Variants in MROH7 observed in about 807,000 individuals in gnomAD.
MROH7 encodes the protein maestro heat like repeat family member 7, also known as maestro heat-like repeat-containing protein family member 7.
In MROH7, 113 loss-of-function variants were observed where a neutral mutation model predicts 129.2. That is an observed-to-expected ratio of 0.87 (90% CI 0.75 to 1.02). The LOEUF is 1.02. MROH7 is among the 50% of genes least tolerant of loss of function. The probability of loss-of-function intolerance (pLI) is 0.00; values close to 1 mark genes in which losing one functional copy is unlikely to be tolerated. For missense variants in MROH7, 1,601 were observed against 1,671.3 expected, an observed-to-expected ratio of 0.96 and a Z score of 0.73; for synonymous variants, 655 against 667.9, an observed-to-expected ratio of 0.98 and a Z score of 0.30.
intron 1 of MROH7, chr1:54,651,296 G>T (rs1644550607): frequency 6.6e-6 from 1 of 152,340 alleles, no homozygotes; most frequent in Admixed American, 6.5e-5. Context: ...TCATTGGCTA[G>T]TGGGGAAGCC....
chr1:54,691,259 C>G (rs17110952), intron 15 of MROH7, among the ~76,000 whole-genome samples: 26,800 of 152,128 alleles, frequency 0.18, 2,535 homozygotes, highest in East Asian at 0.28. Flanking sequence ...CAAAATTCTG[C>G]CCTCAGGAGA....
chr1:54,656,541 G>A (rs1473743052), intron 3 of MROH7, among the ~76,000 whole-genome samples: 2 of 146,376 alleles, frequency 1.4e-5, no homozygotes, highest in African/African-American at 5.1e-5. Flanking sequence ...TTTTTTTTCA[G>A]GCTGGGCGCG....
At chr1:54,681,891 G>C (rs932282802) in intron 13 of MROH7, among the ~76,000 whole-genome samples, 3 of 152,184 alleles carry the variant, frequency 2.0e-5, no homozygotes, top group African/African-American at 7.2e-5. Context: ...CAGCTCATTA[G>C]CTGTGTAATC....
chr1:54,692,582 G>A (rs754413936), intron 16 of MROH7, 21 bp downstream of exon 16: 2 of 1,608,724 alleles, frequency 1.2e-6, no homozygotes, highest in East Asian at 2.2e-5. Flanking sequence ...GGACCACCTT[G>A]GGGTTGGGGT....
intron 21 of MROH7, among the ~76,000 whole-genome samples, chr1:54,705,140 A>G (rs1253021603): frequency 1.3e-5 from 2 of 152,168 alleles, no homozygotes; most frequent in Non-Finnish European, 2.9e-5. Context: ...ATTGCTCTGC[A>G]GGCTACTGAG....
At position 54,653,062 on chromosome 1, in the gene MROH7, A is replaced by G. The variant is rs1038809482; in HGVS notation, c.136A>G (p.Met46Val). Reference sequence around the variant, plus strand: ...CCACCCAGACATGGCTCAGGTGCCTATGTTGAATCTGCTCCCAAGTCCTGG... The same window carrying G: ...CCACCCAGACATGGCTCAGGTGCCTGTGTTGAATCTGCTCCCAAGTCCTGG... The part of the protein sequence containing the change: ...QPHPDMAQVP[M>V]LNLLPSPGLA... The change falls in exon 3 of 24, where the codon ATG (methionine) becomes GTG (valine). Residue 46 changes from methionine (M) to valine (V), a missense_variant. Transcript: ENST00000421030. 13 of 1,613,936 alleles carry G rather than the reference A, an allele frequency of 8.1e-6. No individual in the cohort carries two copies. The highest frequency in any genetic ancestry group is 1.1e-5 in the South Asian group (1 of 91,050).
intron 8 of MROH7, 104 bp downstream of exon 8, chr1:54,673,290 C>T (rs1357454154): frequency 2.4e-6 from 2 of 828,230 alleles, no homozygotes; most frequent in South Asian, 3.3e-5. Flanking sequence ...GATTTGGCTT[C>T]AGGATGTCAT....
At chr1:54,645,234 A>G (rs1644445943) in intron 1 of MROH7, among the ~76,000 whole-genome samples, 1 of 151,866 alleles carries the variant, frequency 6.6e-6, no homozygotes, top group Non-Finnish European at 1.5e-5. Context: ...ATGATGAGTG[A>G]TTTTTACTGC....
In MROH7 at chr1:54,682,728, G is replaced by T; in HGVS notation, c.2454G>T (p.Leu818=). The change falls in exon 14 of 24, where the codon CTG becomes CTT. Residue 818 remains leucine, a synonymous_variant. Coordinates refer to ENST00000421030, the MANE Select transcript of MROH7 (RefSeq NM_001039464.4). ...PSCDVRDLLD[L]LLGSLKEKPV... Reference sequence around the variant, plus strand: ...GTGATGTCCGAGACCTCCTGGATCTGCTCCTGGGCAGCCTGAAGGAGAAGC... The same window carrying T: ...GTGATGTCCGAGACCTCCTGGATCTTCTCCTGGGCAGCCTGAAGGAGAAGC... 6.2e-7 allele frequency: 1 copy of T among 1,614,092 alleles called. No homozygotes were observed. Among genetic ancestry groups the T allele is most frequent in the Non-Finnish European group, 8.5e-7 (1 of 1,180,000 alleles).
chr1:54,668,576 C>T (rs1644847883), intron 4 of MROH7, among the ~76,000 whole-genome samples: 1 of 152,088 alleles, frequency 6.6e-6, no homozygotes, highest in Non-Finnish European at 1.5e-5. Flanking sequence ...CCTTTCTGTC[C>T]CCTCCTTAGC....
intron 16 of MROH7, among the ~76,000 whole-genome samples, chr1:54,693,304 G>C (rs1645268462): frequency 6.6e-6 from 1 of 152,172 alleles, no homozygotes. Flanking sequence ...ACAAAAATTA[G>C]CTGGGTGTGG....
intron 1 of MROH7, among the ~76,000 whole-genome samples, chr1:54,643,222 G>A (rs1264008114): frequency 2.0e-5 from 3 of 152,200 alleles, no homozygotes; most frequent in Non-Finnish European, 2.9e-5. Context: ...ACTTCCTGGG[G>A]GAAGGGACAT....
At chr1:54,647,630 C>T (rs569398378) in intron 1 of MROH7, among the ~76,000 whole-genome samples, 4 of 152,050 alleles carry the variant, frequency 2.6e-5, no homozygotes, top group Admixed American at 6.5e-5. Flanking sequence ...ATCCCAGCTA[C>T]TGGGGAGGCT....
intron 21 of MROH7, 90 bp downstream of exon 21, chr1:54,702,835 C>G: frequency 2.8e-6 from 4 of 1,452,972 alleles, no homozygotes; most frequent in Non-Finnish European, 3.7e-6. Flanking sequence ...TTCCCACCAG[C>G]ATCCTATTTC....
intron 1 of MROH7, among the ~76,000 whole-genome samples, chr1:54,644,746 C>T (rs115110815): frequency 0.076 from 11,485 of 150,668 alleles, 471 homozygotes; most frequent in Middle Eastern, 0.11. Context: ...AAGTGATCCT[C>T]GGCCTCCCAA....
intron 7 of MROH7, among the ~76,000 whole-genome samples, chr1:54,672,143 G>C (rs1186239693): frequency 6.6e-6 from 1 of 152,086 alleles, no homozygotes; most frequent in Non-Finnish European, 1.5e-5. Flanking sequence ...CCTTGGAGAA[G>C]ACTGGGGTTG....
rs182084557 is a variant in MROH7, at chr1:54,678,764, C to T, written c.1959C>T (p.Thr653=). ...LQKRARDKEE[T]NKKELYESNK... ...CAGGAGCCAGAGATAAGGAAGAGAC[C>T]AACAAAAAGGAGCTATATGAGAGCA... is the stretch of plus-strand genomic sequence containing the variant. The change falls in exon 11 of 24, where the codon ACC becomes ACT. Residue 653 remains threonine, a synonymous_variant. Coordinates refer to ENST00000421030, the MANE Select transcript of MROH7 (RefSeq NM_001039464.4). The T allele has an allele frequency of 6.8e-6, 11 of 1,613,740 alleles. No individual in the cohort carries two copies. In the Admixed American group the frequency reaches 1.7e-4, roughly 24 times the overall value.
At chr1:54,644,051 C>T (rs1198537194) in intron 1 of MROH7, among the ~76,000 whole-genome samples, 1 of 151,960 alleles carries the variant, frequency 6.6e-6, no homozygotes, top group South Asian at 2.1e-4. Context: ...TTAGATTTAT[C>T]CCATTTGAAG....
chr1:54,687,875 T>TC (rs201176665), intron 15 of MROH7, among the ~76,000 whole-genome samples: 11 of 148,078 alleles, frequency 7.4e-5, no homozygotes, highest in Admixed American at 2.0e-4. Context: ...TTTCTTTCTT[T>TC]TTTTTTTTTT....
Sources: gnomAD v4.1 joint callset for allele counts (sites outside exome capture counted in the v4.1 genomes callset) on GRCh38, gnomAD v4.1.1 for gene constraint, MANE v1.5 for transcripts, NCBI Gene and HGNC (gene_info 2026-07-23, HGNC 2026-07-21) for gene names.